The following SOX5 variants were observed in gnomAD, a reference collection of about 807,000 sequenced individuals.
SOX5 encodes transcription factor SOX-5.
Under a neutral mutation model 92.0 loss-of-function variants are expected in SOX5, and 9 were observed. The ratio of observed to expected loss-of-function variants is 0.10; its 90% CI spans 0.06 to 0.17. SOX5 has a LOEUF of 0.17. Among genes scored for constraint, SOX5 ranks in the 10% least tolerant of loss-of-function variants. SOX5 has a pLI of 1.00. For missense variants in SOX5, 642 were observed against 944.5 expected (o/e 0.68, Z 4.20); for synonymous variants, 344 against 336.3 (o/e 1.02, Z -0.25).
intron 2 of SOX5, among the ~76,000 whole-genome samples, chr12:23,854,246 C>T (rs2096664401): frequency 1.3e-5 from 2 of 152,028 alleles, no homozygotes; most frequent in Admixed American, 6.6e-5. Flanking sequence ...AGAAGCTAAA[C>T]GTTTGCTAGC....
intron 1 of SOX5, among the ~76,000 whole-genome samples, chr12:23,916,050 G>A (rs1341327163): frequency 6.6e-6 from 1 of 152,124 alleles, no homozygotes; most frequent in African/African-American, 2.4e-5. Flanking sequence ...CAAAAAGGAT[G>A]ATTTTTGACC....
chr12:23,708,045 T>A (rs1357155164), intron 6 of SOX5, among the ~76,000 whole-genome samples: 1 of 152,076 alleles, frequency 6.6e-6, no homozygotes, highest in African/African-American at 2.4e-5. Flanking sequence ...GATTCTCCTC[T>A]CAATGAGAGA....
intron 1 of SOX5, among the ~76,000 whole-genome samples, chr12:24,370,695 G>A (rs1306569404): frequency 6.6e-6 from 1 of 152,132 alleles, no homozygotes; most frequent in African/African-American, 2.4e-5. Flanking sequence ...GGGAGGCTGA[G>A]GTGGGAGAAT....
chr12:23,859,723 T>A (rs891148649), intron 2 of SOX5, among the ~76,000 whole-genome samples: 3 of 152,144 alleles, frequency 2.0e-5, no homozygotes, highest in African/African-American at 7.2e-5. Context: ...CATCACGGAA[T>A]CTGCTGATAT....
intron 11 of SOX5, among the ~76,000 whole-genome samples, chr12:23,554,637 T>C (rs1944798305): frequency 1.3e-5 from 2 of 152,108 alleles, no homozygotes; most frequent in South Asian, 4.1e-4. Flanking sequence ...TGAGAAAATG[T>C]TAAGGTACAA....
chr12:24,244,024 A>G (rs568746433), intron 3 of SOX5, among the ~76,000 whole-genome samples: 4 of 148,226 alleles, frequency 2.7e-5, no homozygotes, highest in Non-Finnish European at 4.4e-5. Context: ...AGGAAGATTT[A>G]AATTTTGAAT....
intron 4 of SOX5, among the ~76,000 whole-genome samples, chr12:24,154,654 C>A (rs913538072): frequency 6.6e-6 from 1 of 151,990 alleles, no homozygotes; most frequent in Non-Finnish European, 1.5e-5. Flanking sequence ...CTTAGGCTTT[C>A]ATTTTAAGTG....
chr12:23,678,767 G>C (rs1203072114), intron 6 of SOX5, among the ~76,000 whole-genome samples: 1 of 152,044 alleles, frequency 6.6e-6, no homozygotes, highest in Non-Finnish European at 1.5e-5. Context: ...AAGTCAAACA[G>C]ATAGCAAATA....
At chr12:23,957,718 T>C (rs1456879900) in intron 4 of SOX5, among the ~76,000 whole-genome samples, 1 of 152,132 alleles carries the variant, frequency 6.6e-6, no homozygotes, top group Non-Finnish European at 1.5e-5. Flanking sequence ...TGCCACAATT[T>C]AGAAAATAAT....
intron 4 of SOX5, among the ~76,000 whole-genome samples, chr12:24,150,916 A>C (rs1013704587): frequency 6.6e-5 from 10 of 152,126 alleles, no homozygotes; most frequent in African/African-American, 2.4e-4. Context: ...CAATGAAACA[A>C]AGGCTTTGTT....
intron 4 of SOX5, among the ~76,000 whole-genome samples, chr12:23,993,223 A>G (rs1569433524): frequency 6.6e-6 from 1 of 152,224 alleles, no homozygotes; most frequent in Non-Finnish European, 1.5e-5. Flanking sequence ...ACACAATTTC[A>G]GCTTTAATAA....
intron 2 of SOX5, among the ~76,000 whole-genome samples, chr12:23,866,053 G>A (rs1792299309): frequency 6.6e-6 from 1 of 152,186 alleles, no homozygotes; most frequent in African/African-American, 2.4e-5. Context: ...AAAGAAAGTG[G>A]TTTCTTGAGA....
intron 3 of SOX5, among the ~76,000 whole-genome samples, chr12:24,259,691 C>A (rs998349868): frequency 2.0e-5 from 3 of 152,176 alleles, no homozygotes; most frequent in Non-Finnish European, 4.4e-5. Context: ...AGGTGTCCAA[C>A]AATGCATCAG....
intron 4 of SOX5, among the ~76,000 whole-genome samples, chr12:24,095,142 G>GAGAGAT (rs1216616325): frequency 0.051 from 7,572 of 147,324 alleles, 279 homozygotes; most frequent in Non-Finnish European, 0.079. Flanking sequence ...GAGAGAGAGA[G>GAGAGAT]AGAGAGAGAG....
At chr12:24,411,852 T>C (rs576734686) in intron 1 of SOX5, among the ~76,000 whole-genome samples, 3 of 152,358 alleles carry the variant, frequency 2.0e-5, no homozygotes, top group African/African-American at 7.2e-5. Flanking sequence ...TGTTTAGGGC[T>C]GGTTTCAATC....
intron 1 of SOX5, among the ~76,000 whole-genome samples, chr12:24,454,311 AG>A (rs1942738081): frequency 6.6e-6 from 1 of 152,232 alleles, no homozygotes; most frequent in Admixed American, 6.5e-5. Context: ...AGCAACTCTC[AG>A]GTGATTAATA....
intron 1 of SOX5, among the ~76,000 whole-genome samples, chr12:23,933,722 G>T (rs769876556): frequency 2.0e-5 from 3 of 151,504 alleles, no homozygotes; most frequent in Non-Finnish European, 1.5e-5. Context: ...TCACCAGGAT[G>T]CTCTTCAGGT....
chr12:24,161,752 T>C (rs917424034), intron 4 of SOX5, among the ~76,000 whole-genome samples: 1 of 152,060 alleles, frequency 6.6e-6, no homozygotes, highest in African/African-American at 2.4e-5. Flanking sequence ...ACAAAGTTAA[T>C]ACACAGTTGT....
In SOX5 at chr12:24,331,673, C is replaced by A. The variant is rs182444083; in HGVS notation, c.-174+36890G>T. 9.2e-5 allele frequency among the ~76,000 whole-genome samples: 14 copies of A among 151,770 alleles called. 1 individual carries two copies. Among genetic ancestry groups the A allele is most frequent in the Non-Finnish European group, 1.9e-4 (13 of 67,904 alleles). The stretch of plus-strand genomic sequence containing the variant: ...GACCATCCTGGCCAACATCATGAAA[C>A]CCCACCTCTACTAAAAATACAAAAA... On this transcript the variant is annotated intron_variant, in intron 2 of 4. Transcript: ENST00000446891.
Sources: allele counts gnomAD v4.1 joint callset (sites outside exome capture counted in the v4.1 genomes callset), GRCh38; gene constraint gnomAD v4.1.1; transcripts MANE v1.5; gene names NCBI Gene and HGNC (gene_info 2026-07-23, HGNC 2026-07-21).